Variants in RNF150 observed in about 807,000 individuals in gnomAD.
RNF150 encodes the protein ring finger protein 150.
A neutral mutation model predicts 39.3 loss-of-function variants in RNF150; 24 were observed. The ratio of observed to expected loss-of-function variants is 0.61; its 90% CI spans 0.44 to 0.86. The LOEUF (loss-of-function observed/expected upper bound fraction) is 0.86, where lower values mean the gene tolerates loss of function less well. Among genes scored for constraint, RNF150 ranks in the 40% least tolerant of loss-of-function variants. The pLI is 0.00. For synonymous variants in RNF150, 255 were observed against 227.3 expected (o/e 1.12, Z -1.10); for missense variants, 502 against 587.8 (o/e 0.85, Z 1.51).
intron 4 of RNF150, among the ~76,000 whole-genome samples, chr4:140,944,381 G>A (rs1416126759): frequency 6.6e-6 from 1 of 152,124 alleles, no homozygotes; most frequent in Non-Finnish European, 1.5e-5. Flanking sequence ...GTGGGCTAAG[G>A]GGTGTCTGTC....
chr4:140,993,505 A>T (rs1398895078), intron 1 of RNF150, among the ~76,000 whole-genome samples: 4 of 152,192 alleles, frequency 2.6e-5, no homozygotes, highest in Admixed American at 1.3e-4. Context: ...TGCCTCCCAT[A>T]GTGAAAGTAG....
At chr4:141,162,636 T>C (rs1403591958) in intron 1 of RNF150, among the ~76,000 whole-genome samples, 1 of 151,218 alleles carries the variant, frequency 6.6e-6, no homozygotes, top group Non-Finnish European at 1.5e-5. Context: ...GGTTAGAGAG[T>C]GGGTGCAGCC....
intron 1 of RNF150, among the ~76,000 whole-genome samples, chr4:141,156,904 C>CA (rs899171208): frequency 7.3e-5 from 11 of 150,850 alleles, no homozygotes; most frequent in Non-Finnish European, 1.2e-4. Context: ...GAGATTATCT[C>CA]AAAAAAAAAT....
intron 1 of RNF150, among the ~76,000 whole-genome samples, chr4:140,998,123 C>T (rs73858686): frequency 0.076 from 11,558 of 152,194 alleles, 501 homozygotes; most frequent in Middle Eastern, 0.16. Context: ...AGTTAGGTAA[C>T]GCAAAATACA....
intron 1 of RNF150, among the ~76,000 whole-genome samples, chr4:140,995,940 G>C (rs1050159066): frequency 1.3e-5 from 2 of 152,106 alleles, no homozygotes; most frequent in African/African-American, 4.8e-5. Flanking sequence ...AGAAACATGG[G>C]ATTCAGATAT....
chr4:140,918,671 C>G (rs1010263112), intron 5 of RNF150, among the ~76,000 whole-genome samples: 9 of 151,828 alleles, frequency 5.9e-5, no homozygotes, highest in African/African-American at 2.2e-4. Context: ...GGAAATCCTC[C>G]CTAACTCATT....
At chr4:141,074,226 C>T (rs559922625) in intron 1 of RNF150, among the ~76,000 whole-genome samples, 3 of 151,812 alleles carry the variant, frequency 2.0e-5, no homozygotes, top group Admixed American at 2.0e-4. Context: ...CAGTGCCATG[C>T]AATTCACAAC....
chr4:141,178,380 A>C (rs117499026), intron 1 of RNF150, among the ~76,000 whole-genome samples: 1 of 152,242 alleles, frequency 6.6e-6, no homozygotes, highest in Non-Finnish European at 1.5e-5. Flanking sequence ...ATGCAAAGCT[A>C]TATCAAGGTT....
intron 1 of RNF150, among the ~76,000 whole-genome samples, chr4:141,140,688 A>G (rs913328714): frequency 6.6e-6 from 1 of 152,238 alleles, no homozygotes; most frequent in African/African-American, 2.4e-5. Context: ...AGCACTGTGC[A>G]CTGACTGAGC....
intron 1 of RNF150, among the ~76,000 whole-genome samples, chr4:141,094,284 C>A (rs796357359): frequency 2.0e-5 from 3 of 152,204 alleles, no homozygotes; most frequent in African/African-American, 7.2e-5. Context: ...GCATCTAACA[C>A]AAAGGGAAGA....
rs932853117 is a variant in RNF150 at position 140,867,324 on chromosome 4, A to T, written c.*937T>A. On this transcript the variant is annotated 3_prime_UTR_variant, in exon 7 of 7. Coordinates refer to ENST00000515673, the MANE Select transcript of RNF150 (RefSeq NM_020724.2). The stretch of plus-strand genomic sequence containing the variant: ...GGTAAGAAAAAAACTGTTCTAGCCC[A>T]GGGGAAACCAATGCAACTGGCATTT... 7 of 152,230 alleles carry T rather than the reference A, an allele frequency of 4.6e-5. No individual in the cohort carries two copies. Among genetic ancestry groups the T allele is most frequent in the African/African-American group, 1.7e-4 (7 of 41,460 alleles). 9.4% of individuals were successfully genotyped at this position (152,230 alleles called of 1,614,324 possible).
intron 6 of RNF150, among the ~76,000 whole-genome samples, chr4:140,904,766 C>A (rs557707429): frequency 2.7e-4 from 41 of 152,192 alleles, no homozygotes; most frequent in Non-Finnish European, 5.1e-4. Flanking sequence ...AAGTCCTGAA[C>A]GCACATTCTT....
At chr4:141,039,205 A>G (rs1191875716) in intron 1 of RNF150, among the ~76,000 whole-genome samples, 2 of 152,184 alleles carry the variant, frequency 1.3e-5, no homozygotes, top group Middle Eastern at 3.2e-3. Context: ...TCTTTCATGA[A>G]AAGTAGGTGA....
chr4:141,033,346 C>T (rs1418715299), intron 1 of RNF150, among the ~76,000 whole-genome samples: 1 of 152,198 alleles, frequency 6.6e-6, no homozygotes, highest in Non-Finnish European at 1.5e-5. Flanking sequence ...TGTACCAATT[C>T]AGTTACATCT....
chr4:141,131,701 G>A (rs1021111336), intron 1 of RNF150, among the ~76,000 whole-genome samples: 2 of 152,140 alleles, frequency 1.3e-5, no homozygotes, highest in African/African-American at 2.4e-5. Context: ...TATAACTTTA[G>A]GGCCATCACA....
At chr4:141,021,205 G>A (rs2059499) in intron 1 of RNF150, among the ~76,000 whole-genome samples, 82,516 of 151,760 alleles carry the variant, frequency 0.54, 23,750 homozygotes, top group Admixed American at 0.64. Context: ...ACCCAATTAG[G>A]TATCAAGCAG....
intron 1 of RNF150, among the ~76,000 whole-genome samples, chr4:141,106,104 C>T (rs1053527162): frequency 6.6e-6 from 1 of 152,232 alleles, no homozygotes; most frequent in African/African-American, 2.4e-5. Flanking sequence ...TTCTACTTCT[C>T]TGATAACTGC....
intron 2 of RNF150, among the ~76,000 whole-genome samples, chr4:140,951,039 G>A (rs1306051948): frequency 2.0e-5 from 3 of 152,038 alleles, no homozygotes; most frequent in Admixed American, 6.6e-5. Context: ...TAAACATGAC[G>A]GAACTTTCCT....
intron 1 of RNF150, among the ~76,000 whole-genome samples, chr4:140,978,300 C>T (rs1733737989): frequency 6.6e-6 from 1 of 152,164 alleles, no homozygotes; most frequent in Non-Finnish European, 1.5e-5. Context: ...CAGATCCTCT[C>T]AGTGTAGATT....
Sources: allele counts gnomAD v4.1 joint callset (sites outside exome capture counted in the v4.1 genomes callset), GRCh38; gene constraint gnomAD v4.1.1; transcripts MANE v1.5; gene names NCBI Gene and HGNC (gene_info 2026-07-23, HGNC 2026-07-21).